The following PRKCE variants were observed in gnomAD, a reference collection of about 807,000 sequenced individuals.
PRKCE encodes the protein protein kinase C epsilon type.
A neutral mutation model predicts 85.4 loss-of-function variants in PRKCE; 16 were observed. The observed-to-expected ratio is 0.19, with a 90% CI of 0.13 to 0.28. PRKCE has a LOEUF of 0.28. Ranked by LOEUF, PRKCE falls within the 10% of genes least tolerant of loss-of-function variation. The probability of loss-of-function intolerance (pLI) is 1.00; values close to 1 mark genes in which losing one functional copy is unlikely to be tolerated. For missense variants in PRKCE, 573 were observed against 975.2 expected, an observed-to-expected ratio of 0.59 and a Z score of 5.49; for synonymous variants, 388 against 371.5, an observed-to-expected ratio of 1.04 and a Z score of -0.51.
chr2:46,118,549 G>A (rs1440530872), intron 11 of PRKCE, among the ~76,000 whole-genome samples: 1 of 152,202 alleles, frequency 6.6e-6, no homozygotes, highest in African/African-American at 2.4e-5. Context: ...GGAAAGCCTT[G>A]GACTAACAAA....
At chr2:45,671,801 G>A (rs1249329695) in intron 1 of PRKCE, among the ~76,000 whole-genome samples, 1 of 152,142 alleles carries the variant, frequency 6.6e-6, no homozygotes, top group East Asian at 1.9e-4. Context: ...AGGTATGGTG[G>A]TTCACACCTG....
At chr2:45,780,359 A>T (rs919818010) in intron 1 of PRKCE, among the ~76,000 whole-genome samples, 1 of 151,992 alleles carries the variant, frequency 6.6e-6, no homozygotes, top group African/African-American at 2.4e-5. Flanking sequence ...AGTTTCCCAC[A>T]TTTTGGATTT....
intron 1 of PRKCE, among the ~76,000 whole-genome samples, chr2:45,829,986 T>C (rs1192381598): frequency 1.4e-5 from 2 of 141,920 alleles, no homozygotes; most frequent in Admixed American, 1.5e-4. Context: ...GGCAGGAGAA[T>C]GGCGTGAACC....
Position 45,652,649 on chromosome 2 carries a change from A to G in PRKCE, c.348+201A>G, listed in dbSNP as rs1170363327. Among the ~76,000 whole-genome samples the G allele has an allele frequency of 6.6e-6, 1 of 152,190 alleles. No homozygotes were observed. The highest frequency in any genetic ancestry group is 2.4e-5 in the African/African-American group (1 of 41,438). ...TTGGCGAGGAAGATGAGACTTGGAA[A>G]GAGGATGTGGCCCTCTGCTCCCTCT... On this transcript the variant is annotated intron_variant, in intron 1 of 14. Coordinates refer to ENST00000306156, the MANE Select transcript of PRKCE (RefSeq NM_005400.3). This position sits in a 1 kb window ranked among gnomAD's most constrained non-coding sequence, Gnocchi z 7.7.
intron 1 of PRKCE, among the ~76,000 whole-genome samples, chr2:45,788,895 A>G (rs769232947): frequency 2.0e-5 from 3 of 152,220 alleles, no homozygotes; most frequent in Non-Finnish European, 4.4e-5. Flanking sequence ...GACTTACACC[A>G]TTGGTCCTCA....
intron 1 of PRKCE, among the ~76,000 whole-genome samples, chr2:45,653,395 T>TC (rs1675232632): frequency 7.4e-6 from 1 of 134,992 alleles, no homozygotes; most frequent in Non-Finnish European, 1.6e-5. Flanking sequence ...TTTTTTTTTT[T>TC]CTCTCTTCTT....
chr2:45,983,737 G>T (rs1703081178), intron 5 of PRKCE, among the ~76,000 whole-genome samples: 1 of 152,084 alleles, frequency 6.6e-6, no homozygotes, highest in Non-Finnish European at 1.5e-5. Flanking sequence ...TCAGGGCTGA[G>T]ACCTTAGCAT....
At chr2:45,705,742 C>A (rs1295061166) in intron 1 of PRKCE, among the ~76,000 whole-genome samples, 7 of 152,228 alleles carry the variant, frequency 4.6e-5, no homozygotes, top group Non-Finnish European at 1.5e-5. Context: ...GTATAGGTAG[C>A]TTTACCAGGC....
chr2:46,158,544 C>G (rs975102228), intron 13 of PRKCE, among the ~76,000 whole-genome samples: 8 of 152,178 alleles, frequency 5.3e-5, no homozygotes, highest in African/African-American at 1.7e-4. Flanking sequence ...GCATTGAACT[C>G]GAGGCCAGGT....
At chr2:45,976,681 A>G (rs1702475838) in intron 3 of PRKCE, 93 bp downstream of exon 3, 2 of 1,414,624 alleles carry the variant, frequency 1.4e-6, no homozygotes, top group African/African-American at 2.8e-5. Context: ...CATTTAAAGA[A>G]TGCTGGTGTG....
intron 11 of PRKCE, among the ~76,000 whole-genome samples, chr2:46,136,963 A>G (rs1290112992): frequency 2.0e-5 from 3 of 152,228 alleles, no homozygotes; most frequent in African/African-American, 7.2e-5. Context: ...ATACACATAA[A>G]AGACCTTAAG....
At chr2:45,675,123 T>G (rs1676367634) in intron 1 of PRKCE, among the ~76,000 whole-genome samples, 1 of 152,194 alleles carries the variant, frequency 6.6e-6, no homozygotes, top group African/African-American at 2.4e-5. Context: ...AGGCAGATCT[T>G]GGAGACTGGA....
chr2:45,823,302 A>G (rs1444308538), intron 1 of PRKCE, among the ~76,000 whole-genome samples: 2 of 152,248 alleles, frequency 1.3e-5, no homozygotes, highest in Admixed American at 1.3e-4. Flanking sequence ...TATCAGCAGT[A>G]ACGTTGAGCC....
rs1396534283 is a variant in PRKCE, at chr2:45,652,724, C to G, written c.348+276C>G. Among the ~76,000 whole-genome samples the G allele has an allele frequency of 6.6e-6, 1 of 152,170 alleles. No individual in the cohort carries two copies. The highest frequency in any genetic ancestry group is 1.9e-4 in the East Asian group (1 of 5,194). On this transcript the variant is annotated intron_variant, in intron 1 of 14. Transcript: ENST00000306156. The surrounding 1 kb of genome is among the most constrained non-coding windows in gnomAD (Gnocchi z 7.7). ...CGGGAGGTTTGCAAACTGGGAGAGC[C>G]TGGGCCACTGGTGCTGAAGGTTGGC...
At chr2:45,707,916 C>A (rs1280533123) in intron 1 of PRKCE, among the ~76,000 whole-genome samples, 2 of 152,172 alleles carry the variant, frequency 1.3e-5, no homozygotes, top group African/African-American at 2.4e-5. Flanking sequence ...GTTAGGCAGG[C>A]CCCAGCCTTC....
intron 10 of PRKCE, among the ~76,000 whole-genome samples, chr2:46,055,304 T>G (rs1031315726): frequency 3.3e-5 from 5 of 152,340 alleles, no homozygotes; most frequent in African/African-American, 1.2e-4. Flanking sequence ...CTCCTGCACC[T>G]GCTCACCTGT....
At chr2:45,702,886 G>T (rs1240330400) in intron 1 of PRKCE, among the ~76,000 whole-genome samples, 1 of 152,158 alleles carries the variant, frequency 6.6e-6, no homozygotes, top group African/African-American at 2.4e-5. Context: ...TGCTAGAACT[G>T]AAGTTTGAAA....
At chr2:45,688,788 T>TTATTTG (rs1677497902) in intron 1 of PRKCE, among the ~76,000 whole-genome samples, 1 of 152,240 alleles carries the variant, frequency 6.6e-6, no homozygotes, top group African/African-American at 2.4e-5. Context: ...CACTTTCTAA[T>TTATTTG]TATTTGTTAT....
At chr2:46,157,408 C>G (rs1488543557) in intron 13 of PRKCE, among the ~76,000 whole-genome samples, 1 of 152,130 alleles carries the variant, frequency 6.6e-6, no homozygotes, top group Non-Finnish European at 1.5e-5. Flanking sequence ...TGTCCTGTTC[C>G]CTTAGACATT....
Sources: gnomAD v4.1 joint callset for allele counts (sites outside exome capture counted in the v4.1 genomes callset) on GRCh38, gnomAD v4.1.1 for gene constraint, Gnocchi (gnomAD v3.1) non-coding constraint, MANE v1.5 for transcripts, NCBI Gene and HGNC (gene_info 2026-07-23, HGNC 2026-07-21) for gene names.